Variants in SOX6 observed in about 807,000 individuals in gnomAD.
The protein encoded by SOX6 is transcription factor SOX-6.
SOX6 carries 11 observed loss-of-function variants against 97.8 expected under a neutral mutation model. That is an observed-to-expected ratio of 0.11 (90% confidence interval 0.07 to 0.19). The LOEUF is 0.19. Among genes scored for constraint, SOX6 ranks in the 10% least tolerant of loss-of-function variants. The pLI, the probability that SOX6 is intolerant of heterozygous loss-of-function variation, is 1.00. For synonymous variants in SOX6, 360 were observed against 371.4 expected, an observed-to-expected ratio of 0.97 and a Z score of 0.35; for missense variants, 810 against 1,039.5, an observed-to-expected ratio of 0.78 and a Z score of 3.04.
chr11:15,974,841 G>A (rs1340043649), intron 15 of SOX6, among the ~76,000 whole-genome samples: 2 of 151,970 alleles, frequency 1.3e-5, no homozygotes, highest in Non-Finnish European at 2.9e-5. Context: ...ATATTTTCAG[G>A]TATACCAACT....
chr11:16,480,212 C>A (rs577712364), upstream of SOX6, among the ~76,000 whole-genome samples: 286 of 152,080 alleles, frequency 1.9e-3, no homozygotes, highest in African/African-American at 6.6e-3. Flanking sequence ...GCCATAGGTT[C>A]TTTTTACTTT....
chr11:16,241,803 C>T (rs12291520), intron 3 of SOX6, among the ~76,000 whole-genome samples: 17,159 of 151,930 alleles, frequency 0.11, 1,147 homozygotes, highest in East Asian at 0.32. Context: ...ATAGAGCCTG[C>T]CTGCAATAAG....
At chr11:16,682,820 G>A (rs1315052957) in intron 3 of SOX6, among the ~76,000 whole-genome samples, 1 of 152,122 alleles carries the variant, frequency 6.6e-6, no homozygotes, top group African/African-American at 2.4e-5. Context: ...AGATGACATG[G>A]TTGTATATTT....
intron 3 of SOX6, among the ~76,000 whole-genome samples, chr11:16,268,764 G>A (rs1235220108): frequency 6.6e-6 from 1 of 150,918 alleles, no homozygotes; most frequent in South Asian, 2.1e-4. Context: ...TTTGTTTTGA[G>A]ATTTTTTTGT....
intron 6 of SOX6, among the ~76,000 whole-genome samples, chr11:16,182,721 A>G (rs941690325): frequency 3.3e-5 from 5 of 151,930 alleles, no homozygotes; most frequent in African/African-American, 1.2e-4. Context: ...CCTACTGAAA[A>G]TAGCTGGACA....
chr11:16,306,120 C>T (rs1482333282), intron 3 of SOX6, among the ~76,000 whole-genome samples: 1 of 152,072 alleles, frequency 6.6e-6, no homozygotes, highest in Non-Finnish European at 1.5e-5. Context: ...TAATGTAGTA[C>T]AAATGGAGAG....
At chr11:16,360,186 A>T (rs1440286438), upstream of SOX6, among the ~76,000 whole-genome samples, 1 of 152,190 alleles carries the variant, frequency 6.6e-6, no homozygotes, top group Non-Finnish European at 1.5e-5. Flanking sequence ...AGGGAGACTG[A>T]GTAGCTGATC....
At chr11:16,531,253 A>AT (rs1861231889) in intron 4 of SOX6, among the ~76,000 whole-genome samples, 1 of 151,292 alleles carries the variant, frequency 6.6e-6, no homozygotes, top group African/African-American at 2.4e-5. Flanking sequence ...GCTGGGACTA[A>AT]TTTTTTAAAA....
chr11:15,974,402 T>TA (rs869224013), intron 15 of SOX6, among the ~76,000 whole-genome samples: 2 of 117,360 alleles, frequency 1.7e-5, no homozygotes, highest in African/African-American at 5.7e-5. Flanking sequence ...TTTTTTTTTT[T>TA]ATTATACTCT....
intron 4 of SOX6, among the ~76,000 whole-genome samples, chr11:16,522,785 G>C (rs1215320436): frequency 3.9e-5 from 6 of 152,094 alleles, no homozygotes; most frequent in Non-Finnish European, 7.4e-5. Context: ...GATGAAGGAA[G>C]ATCTACCAAG....
intron 4 of SOX6, among the ~76,000 whole-genome samples, chr11:16,602,258 A>G (rs1479381885): frequency 6.6e-6 from 1 of 152,222 alleles, no homozygotes; most frequent in African/African-American, 2.4e-5. Flanking sequence ...TATGGTGGAC[A>G]AGAGAAGAGA....
At chr11:16,358,716 T>G (rs1590155788), upstream of SOX6, among the ~76,000 whole-genome samples, 1 of 152,184 alleles carries the variant, frequency 6.6e-6, no homozygotes, top group East Asian at 1.9e-4. Flanking sequence ...AACAGAATCA[T>G]GGTTTGACCT....
At chr11:16,200,234 A>G (rs11023869) in intron 4 of SOX6, among the ~76,000 whole-genome samples, 10,561 of 152,256 alleles carry the variant, frequency 0.069, 403 homozygotes, top group Non-Finnish European at 0.096. Context: ...CAGGTTTCTC[A>G]GTTCTTAAAT....
chr11:16,678,728 G>A (rs1477578856), intron 3 of SOX6, among the ~76,000 whole-genome samples: 1 of 152,100 alleles, frequency 6.6e-6, no homozygotes, highest in Admixed American at 6.5e-5. Flanking sequence ...TGTACCTGGA[G>A]GAACAATACA....
chr11:16,478,782 C>T (rs933411420), upstream of SOX6, among the ~76,000 whole-genome samples: 6 of 152,086 alleles, frequency 3.9e-5, no homozygotes, highest in African/African-American at 1.4e-4. Context: ...TTTTTAAGAA[C>T]TAGAAAAGTT....
chr11:16,156,087 G>T (rs770056630), intron 6 of SOX6, among the ~76,000 whole-genome samples: 6 of 151,984 alleles, frequency 3.9e-5, no homozygotes, highest in Non-Finnish European at 7.4e-5. Flanking sequence ...GTGGCCTAGA[G>T]CATGTCACTT....
At chr11:16,459,860 A>C (rs1158926058) in intron 1 of SOX6, among the ~76,000 whole-genome samples, 1 of 152,046 alleles carries the variant, frequency 6.6e-6, no homozygotes, top group Admixed American at 6.6e-5. Context: ...GAAGCTGCAT[A>C]ATATACATGT....
chr11:16,555,094 C>T (rs942268209), intron 4 of SOX6, among the ~76,000 whole-genome samples: 1 of 151,864 alleles, frequency 6.6e-6, no homozygotes, highest in Non-Finnish European at 1.5e-5. Context: ...ACATCTCAAT[C>T]TCAATCACAT....
At chr11:16,354,118 T>C (rs1030196044) in intron 1 of SOX6, among the ~76,000 whole-genome samples, 1 of 152,014 alleles carries the variant, frequency 6.6e-6, no homozygotes, top group African/African-American at 2.4e-5. Flanking sequence ...TCATTTACTA[T>C]GTCTGTGAAC....
Sources: allele counts gnomAD v4.1 joint callset (sites outside exome capture counted in the v4.1 genomes callset), GRCh38; gene constraint gnomAD v4.1.1; transcripts MANE v1.5; gene names NCBI Gene and HGNC (gene_info 2026-07-23, HGNC 2026-07-21).